Variants in CMYA5 observed in about 807,000 individuals in gnomAD.
CMYA5 encodes cardiomyopathy-associated protein 5.
A neutral mutation model predicts 318.9 loss-of-function variants in CMYA5; 246 were observed. The observed-to-expected ratio is 0.77, with a 90% CI of 0.70 to 0.86. The LOEUF is 0.86. CMYA5 is among the 40% of genes least tolerant of loss of function. CMYA5 has a pLI of 0.00. For missense variants in CMYA5, 4,589 were observed against 4,678.2 expected (o/e 0.98, Z 0.56); for synonymous variants, 1,641 against 1,729.5 (o/e 0.95, Z 1.27).
intron 5 of CMYA5, 64 bp downstream of exon 5, chr5:79,747,177 T>C: frequency 6.7e-7 from 1 of 1,482,406 alleles, no homozygotes; most frequent in South Asian, 1.4e-5. Flanking sequence ...TTTTAATATT[T>C]TGGTGCTTTA....
chr5:79,737,238 T>G lies in CMYA5; in HGVS notation c.8473T>G (p.Ser2825Ala). ...VKPQTLASGA[S>A]PEINAVKKKE... ...ACCACAAACTCTTGCTTCAGGAGCTTCTCCAGAAATTAACGCAGTGAAGAA... is the reference window on the plus strand; with the variant it reads ...ACCACAAACTCTTGCTTCAGGAGCTGCTCCAGAAATTAACGCAGTGAAGAA... Residue 2825 changes from serine to alanine, a missense_variant, in exon 2 of 13, where the codon TCT becomes GCT. Coordinates refer to ENST00000446378, the MANE Select transcript of CMYA5 (RefSeq NM_153610.5). 1 of 1,613,652 alleles carries G rather than the reference T, an allele frequency of 6.2e-7. No individual in the cohort carries two copies. Among genetic ancestry groups the G allele is most frequent in the Non-Finnish European group, 8.5e-7 (1 of 1,179,774 alleles).
intron 12 of CMYA5, among the ~76,000 whole-genome samples, chr5:79,796,859 C>CTTAT (rs397722085): frequency 6.6e-6 from 1 of 151,954 alleles, no homozygotes; most frequent in Non-Finnish European, 1.5e-5. Flanking sequence ...GTCAACGTTA[C>CTTAT]GGATCAATAA....
rs987158301 is a variant in CMYA5, at chr5:79,752,693, A to G, written c.11009A>G (p.Glu3670Gly). The change falls in exon 6 of 13, where the codon GAG becomes GGG. Residue 3670 changes from glutamate to glycine, a missense_variant. Coordinates refer to ENST00000446378, the MANE Select transcript of CMYA5 (RefSeq NM_153610.5). ...CCCGATAGGTTGCTTTCTGCAATGG[A>G]GAGCACTGCTTCTTTAGAGAAAATG... is the stretch of plus-strand genomic sequence containing the variant. ...EINERLLSAM[E>G]STASLEKMPA... 4 of 1,613,282 alleles carry G rather than the reference A, an allele frequency of 2.5e-6. No individual in the cohort carries two copies. The highest frequency in any genetic ancestry group is 3.4e-6 in the Non-Finnish European group (4 of 1,179,366).
intron 2 of CMYA5, 103 bp downstream of exon 2, chr5:79,739,506 T>A: frequency 2.1e-6 from 2 of 952,576 alleles, no homozygotes; most frequent in Non-Finnish European, 2.9e-6. Flanking sequence ...TGATCATTGA[T>A]CTTTAAGCAG....
chr5:79,737,603 C>T lies in CMYA5; in HGVS notation c.8838C>T (p.Ile2946=). The T allele has an allele frequency of 6.2e-7, 1 of 1,613,674 alleles. No individual in the cohort carries two copies. The highest frequency in any genetic ancestry group is 8.5e-7 in the Non-Finnish European group (1 of 1,179,776). ...AAGATCAGAAGACTGCCTTTAGTAT[C>T]ATTTCTGAAGGCTGTGAGATATTGA... ...LSEDQKTAFS[I]ISEGCEILNI... is the part of the protein sequence containing the mutation. The change falls in exon 2 of 13, where the codon ATC becomes ATT. Residue 2946 remains isoleucine, a synonymous_variant. Coordinates refer to ENST00000446378, the MANE Select transcript of CMYA5 (RefSeq NM_153610.5).
intron 1 of CMYA5, among the ~76,000 whole-genome samples, chr5:79,709,166 C>G (rs548610833): frequency 1.3e-5 from 2 of 152,002 alleles, no homozygotes; most frequent in Admixed American, 1.3e-4. Flanking sequence ...CTCTCGTACA[C>G]ACTACTGATA....
chr5:79,788,662 T>A (rs959227419), intron 9 of CMYA5, among the ~76,000 whole-genome samples: 1 of 152,144 alleles, frequency 6.6e-6, no homozygotes, highest in Admixed American at 6.5e-5. Context: ...CAGAAATTGA[T>A]AAAGAAAATG....
At chr5:79,704,246 G>A (rs80104128) in intron 1 of CMYA5, among the ~76,000 whole-genome samples, 200 of 152,058 alleles carry the variant, frequency 1.3e-3, no homozygotes, top group African/African-American at 4.7e-3. Context: ...AAAACTCTCT[G>A]TCAAGGCAGG....
chr5:79,755,290 CT>C (rs916094241), intron 6 of CMYA5, among the ~76,000 whole-genome samples: 62 of 146,898 alleles, frequency 4.2e-4, no homozygotes, highest in Admixed American at 7.5e-4. Context: ...GGTATCATAC[CT>C]TTTTTTTTTT....
At position 79,747,049 on chromosome 5, in the gene CMYA5, T is replaced by C. The variant is rs1365509234; in HGVS notation, c.10969-42T>C. 2.5e-6 allele frequency: 3 copies of C among 1,184,924 alleles called. No individual in the cohort carries two copies. In the East Asian group the frequency reaches 7.7e-5, roughly 30 times the overall value. 73.4% of individuals were successfully genotyped at this position (1,184,924 alleles called of 1,614,324 possible). ...TTCTCTCTCTCTTTCTCTCTCTCTT[T>C]TTCTCTCTTCTCCTCCTCCTTCCTC... On this transcript the variant is annotated intron_variant, in intron 4 of 12. Coordinates refer to ENST00000446378, the MANE Select transcript of CMYA5 (RefSeq NM_153610.5).
intron 1 of CMYA5, among the ~76,000 whole-genome samples, chr5:79,714,095 A>C (rs1442606182): frequency 6.6e-6 from 1 of 152,218 alleles, no homozygotes; most frequent in Non-Finnish European, 1.5e-5. Flanking sequence ...AAGCATCTGC[A>C]TAATACTAAC....
At chr5:79,763,746 C>A (rs1238576621) in intron 9 of CMYA5, among the ~76,000 whole-genome samples, 1 of 152,206 alleles carries the variant, frequency 6.6e-6, no homozygotes, top group Admixed American at 6.5e-5. Flanking sequence ...GATGCTGAAG[C>A]TGACATTCAT....
chr5:79,713,780 T>G (rs1230610836), intron 1 of CMYA5, among the ~76,000 whole-genome samples: 1 of 152,162 alleles, frequency 6.6e-6, no homozygotes, highest in Non-Finnish European at 1.5e-5. Flanking sequence ...ACTTCCTACT[T>G]GGAATAAATG....
At position 79,737,601 on chromosome 5, in the gene CMYA5, A is replaced by G. The variant is rs1828107039; in HGVS notation, c.8836A>G (p.Ile2946Val). The G allele has an allele frequency of 1.9e-6, 3 of 1,613,722 alleles. 1 individual carries two copies. The highest frequency in any genetic ancestry group is 8.5e-7 in the Non-Finnish European group (1 of 1,179,808). ...AGAAGATCAGAAGACTGCCTTTAGT[A>G]TCATTTCTGAAGGCTGTGAGATATT... Reference protein sequence around the residue: ...LSEDQKTAFSIISEGCEILNI... With the variant: ...LSEDQKTAFSVISEGCEILNI... The change falls in exon 2 of 13, where the codon ATC (isoleucine) becomes GTC (valine). Residue 2946 changes from isoleucine (I) to valine (V), a missense_variant. By Grantham distance (29) the Ile-to-Val change is conservative. Coordinates refer to ENST00000446378, the MANE Select transcript of CMYA5 (RefSeq NM_153610.5).
chr5:79,799,868 ATT>A lies in CMYA5; in HGVS notation c.*253_*254del. ...TATATAAGTTTGAGTTCTTTCCTAA[ATT>A]AAAAGATCTACACTTGAGTTGGGAA... On this transcript the variant is annotated 3_prime_UTR_variant, in exon 13 of 13. Transcript: ENST00000446378. 4 of 192,310 alleles carry A rather than the reference ATT, an allele frequency of 2.1e-5. No individual in the cohort carries two copies. Among genetic ancestry groups the A allele is most frequent in the South Asian group, 1.3e-4 (1 of 7,942 alleles). The allele number at this position is 192,310 out of a possible 1,614,324, so 11.9% of individuals were successfully genotyped here. A position where few individuals can be genotyped will look rare whatever the true frequency, so the allele number is the denominator to read the frequency against.
At chr5:79,751,665 C>A (rs1451888856) in intron 5 of CMYA5, among the ~76,000 whole-genome samples, 2 of 152,158 alleles carry the variant, frequency 1.3e-5, no homozygotes, top group African/African-American at 4.8e-5. Context: ...TTATTAAATG[C>A]CCACCATGTG....
chr5:79,716,126 C>T (rs745790430), intron 1 of CMYA5, among the ~76,000 whole-genome samples: 2 of 152,170 alleles, frequency 1.3e-5, no homozygotes, highest in Non-Finnish European at 2.9e-5. Flanking sequence ...TCCTTTAGTT[C>T]CTACCAGCTA....
intron 9 of CMYA5, among the ~76,000 whole-genome samples, chr5:79,772,256 T>C (rs1428186539): frequency 6.6e-6 from 1 of 152,208 alleles, no homozygotes; most frequent in Non-Finnish European, 1.5e-5. Context: ...CAGGCAAGCA[T>C]ATTAGGGGCC....
In CMYA5 at chr5:79,730,717, G is replaced by GCT; in HGVS notation, c.1960_1961dup (p.Pro655HisfsTer58). 1.2e-6 allele frequency: 2 copies of GCT among 1,613,800 alleles called. No individual in the cohort carries two copies. The highest frequency in any genetic ancestry group is 1.7e-6 in the Non-Finnish European group (2 of 1,179,832). On this transcript the variant is annotated frameshift_variant, in exon 2 of 13. Transcript: ENST00000446378. LOFTEE classifies it high-confidence loss of function. Reference sequence around the variant, plus strand: ...CCAGCTGCAGCCCCTACATCTGAGAGCTCTCTCTCACCATCCACAACTGAG... The same window carrying GCT: ...CCAGCTGCAGCCCCTACATCTGAGAGCTCTCTCTCTCACCATCCACAACTGAG...
Sources: gnomAD v4.1 joint callset for allele counts (sites outside exome capture counted in the v4.1 genomes callset) on GRCh38, gnomAD v4.1.1 for gene constraint, MANE v1.5 for transcripts, NCBI Gene and HGNC (gene_info 2026-07-23, HGNC 2026-07-21) for gene names.